CEP83: variants seen among roughly 807,000 people sequenced by gnomAD.
CEP83 encodes centrosomal protein of 83 kDa.
A neutral mutation model predicts 101.9 loss-of-function variants in CEP83; 70 were observed. The observed-to-expected ratio is 0.69, with a 90% CI of 0.57 to 0.84. CEP83 has a LOEUF of 0.84. CEP83 is among the 40% of genes least tolerant of loss of function. CEP83 has a pLI of 0.00. For synonymous variants in CEP83, 264 were observed against 267.9 expected, an observed-to-expected ratio of 0.99 and a Z score of 0.14; for missense variants, 715 against 787.2, an observed-to-expected ratio of 0.91 and a Z score of 1.10.
At chr12:94,374,745 G>A (rs1188848363) in intron 8 of CEP83, among the ~76,000 whole-genome samples, 2 of 152,098 alleles carry the variant, frequency 1.3e-5, no homozygotes, top group Admixed American at 6.5e-5. Context: ...TAAAAATTCT[G>A]TATTCTTTAT....
intron 11 of CEP83, among the ~76,000 whole-genome samples, chr12:94,360,793 A>T (rs2060715234): frequency 6.6e-6 from 1 of 152,196 alleles, no homozygotes; most frequent in South Asian, 2.1e-4. Context: ...AAAGAGTCAA[A>T]GCAATCCTGT....
chr12:94,282,166 T>A, the CEP83 span: 1 of 638,684 alleles, frequency 1.6e-6, no homozygotes, highest in Non-Finnish European at 2.8e-6. Context: ...GCTACCAGTC[T>A]GGCTGATGCA....
intron 14 of CEP83, among the ~76,000 whole-genome samples, chr12:94,320,428 T>C (rs1043125689): frequency 1.3e-5 from 2 of 152,178 alleles, no homozygotes; most frequent in Admixed American, 6.5e-5. Flanking sequence ...GGTTGCTTTA[T>C]AGTGTGGCTC....
chr12:94,432,575 CA>C (rs2065720223), intron 2 of CEP83, among the ~76,000 whole-genome samples: 1 of 152,016 alleles, frequency 6.6e-6, no homozygotes, highest in African/African-American at 2.4e-5. Flanking sequence ...AAAATGATAT[CA>C]AAGGCCAGGA....
the CEP83 span, among the ~76,000 whole-genome samples, chr12:94,269,313 TG>T: frequency 6.6e-6 from 1 of 152,212 alleles, no homozygotes; most frequent in African/African-American, 2.4e-5. Context: ...TAGAAATTCT[TG>T]AAAAAGCACA....
chr12:94,455,150 C>T (rs1252307856), intron 1 of CEP83, among the ~76,000 whole-genome samples: 1 of 152,208 alleles, frequency 6.6e-6, no homozygotes, highest in Non-Finnish European at 1.5e-5. Context: ...TCATGCATCT[C>T]TATGTGGAAA....
intron 1 of CEP83, among the ~76,000 whole-genome samples, chr12:94,458,676 T>G (rs1446503164): frequency 6.6e-6 from 1 of 152,156 alleles, no homozygotes; most frequent in East Asian, 1.9e-4. Context: ...AGGCGGAGGT[T>G]GCAGTGAGCC....
intron 1 of CEP83, among the ~76,000 whole-genome samples, chr12:94,454,345 T>C (rs767064738): frequency 1.5e-4 from 23 of 152,340 alleles, no homozygotes; most frequent in African/African-American, 4.3e-4. Flanking sequence ...TACATACTTA[T>C]TGAGACATGA....
intron 4 of CEP83, among the ~76,000 whole-genome samples, chr12:94,409,848 T>C (rs1441843086): frequency 1.3e-5 from 2 of 152,010 alleles, no homozygotes; most frequent in Non-Finnish European, 2.9e-5. Context: ...CCATCTCTCT[T>C]CTCCTCTTTT....
At chr12:94,324,197 G>A (rs1446076666) in intron 14 of CEP83, among the ~76,000 whole-genome samples, 5 of 152,110 alleles carry the variant, frequency 3.3e-5, no homozygotes, top group African/African-American at 7.2e-5. Context: ...AAGAGTTTGC[G>A]TTAAGATTAG....
intron 6 of CEP83, among the ~76,000 whole-genome samples, chr12:94,396,597 T>A (rs1302153588): frequency 6.6e-6 from 1 of 152,138 alleles, no homozygotes; most frequent in Non-Finnish European, 1.5e-5. Flanking sequence ...CAACACTGTA[T>A]TTATTCGTAA....
chr12:94,437,434 C>T (rs2066079556), intron 1 of CEP83, among the ~76,000 whole-genome samples: 1 of 152,196 alleles, frequency 6.6e-6, no homozygotes, highest in African/African-American at 2.4e-5. Flanking sequence ...ACACAGTCAT[C>T]AGGTTATCTA....
At chr12:94,380,745 G>A (rs1308633802) in intron 6 of CEP83, among the ~76,000 whole-genome samples, 1 of 152,104 alleles carries the variant, frequency 6.6e-6, no homozygotes, top group Non-Finnish European at 1.5e-5. Flanking sequence ...TGAGCTAAGT[G>A]CTCTACATGT....
chr12:94,400,901 C>T lies in CEP83; in HGVS notation c.498G>A (p.Lys166=). Residue 166 remains lysine, a synonymous_variant, in exon 6 of 17, where the codon AAG becomes AAA. Coordinates refer to ENST00000397809, the MANE Select transcript of CEP83 (RefSeq NM_016122.3). ...CATCTAAAATACGTGCATACTCTTCCTTCTGGTGTTCAAATTCTGACTTGA... is the reference window on the plus strand; with the variant it reads ...CATCTAAAATACGTGCATACTCTTCTTTCTGGTGTTCAAATTCTGACTTGA... ...TFLKSEFEHQ[K]EEYARILDEG... is the part of the protein sequence containing the mutation. 2.0e-6 allele frequency: 3 copies of T among 1,515,914 alleles called. No homozygotes were observed. Among genetic ancestry groups the T allele is most frequent in the Non-Finnish European group, 1.8e-6 (2 of 1,128,720 alleles). 93.9% of individuals were successfully genotyped at this position (1,515,914 alleles called of 1,614,324 possible).
intron 1 of CEP83, among the ~76,000 whole-genome samples, chr12:94,448,572 CA>C (rs2066979443): frequency 1.3e-5 from 2 of 152,142 alleles, no homozygotes; most frequent in South Asian, 2.1e-4. Flanking sequence ...AGATTGAACT[CA>C]TAAAAAATGT....
intron 6 of CEP83, among the ~76,000 whole-genome samples, chr12:94,398,171 C>G (rs1484647831): frequency 2.0e-5 from 3 of 152,136 alleles, no homozygotes; most frequent in African/African-American, 4.8e-5. Flanking sequence ...TAAGCCGAAG[C>G]TGGAGAGAAT....
At chr12:94,452,897 T>C (rs2067364993) in intron 1 of CEP83, among the ~76,000 whole-genome samples, 1 of 152,200 alleles carries the variant, frequency 6.6e-6, no homozygotes, top group Non-Finnish European at 1.5e-5. Context: ...GTTACGCAGC[T>C]AGTAATCTAA....
chr12:94,388,509 C>A (rs2062300739), intron 6 of CEP83, among the ~76,000 whole-genome samples: 1 of 152,066 alleles, frequency 6.6e-6, no homozygotes, highest in Non-Finnish European at 1.5e-5. Context: ...GTGACGGAAT[C>A]TTTATTACCC....
At chr12:94,361,998 G>A (rs2060788906) in intron 11 of CEP83, among the ~76,000 whole-genome samples, 1 of 152,022 alleles carries the variant, frequency 6.6e-6, no homozygotes, top group Non-Finnish European at 1.5e-5. Context: ...ATCATACCTG[G>A]CCCACCTGCA....
Sources: allele counts gnomAD v4.1 joint callset (sites outside exome capture counted in the v4.1 genomes callset), GRCh38; gene constraint gnomAD v4.1.1; transcripts MANE v1.5; gene names NCBI Gene and HGNC (gene_info 2026-07-23, HGNC 2026-07-21).